Variants in CAST observed in about 807,000 individuals in gnomAD.
CAST encodes calpastatin.
In CAST, 76 loss-of-function variants were observed where a neutral mutation model predicts 119.6. That is an observed-to-expected ratio of 0.64 (90% CI 0.53 to 0.77). The LOEUF (loss-of-function observed/expected upper bound fraction) is 0.77, where lower values mean the gene tolerates loss of function less well. CAST is among the 30% of genes least tolerant of loss of function. The pLI is 0.00. For missense variants in CAST, 953 were observed against 946.5 expected (o/e 1.01, Z -0.09); for synonymous variants, 319 against 331.6 (o/e 0.96, Z 0.41).
At chr5:96,302,947 T>A in the CAST span, among the ~76,000 whole-genome samples, 1 of 152,234 alleles carries the variant, frequency 6.6e-6, no homozygotes. Flanking sequence ...TTCAGATCTC[T>A]TTATAGCAAT....
the CAST span, among the ~76,000 whole-genome samples, chr5:96,511,957 G>C: frequency 1.3e-5 from 2 of 152,184 alleles, no homozygotes; most frequent in Non-Finnish European, 2.9e-5. Flanking sequence ...CTTCTCAAAA[G>C]GAAATGGCAT....
the CAST span, among the ~76,000 whole-genome samples, chr5:96,264,320 A>G: frequency 6.6e-6 from 1 of 152,230 alleles, no homozygotes; most frequent in African/African-American, 2.4e-5. Context: ...AACACATTAA[A>G]TAAGTCTACT....
At chr5:96,722,567 G>T in intron 3 of CAST, 72 bp from the exon 4 acceptor site, 2 of 1,159,880 alleles carry the variant, frequency 1.7e-6, no homozygotes, top group South Asian at 2.5e-5. Flanking sequence ...GTATGGTTAA[G>T]AGGAGCTGAA....
chr5:96,094,831 A>G, the CAST span, among the ~76,000 whole-genome samples: 2 of 152,206 alleles, frequency 1.3e-5, no homozygotes, highest in African/African-American at 4.8e-5. Flanking sequence ...GGACTTGTGT[A>G]TTACAACAAG....
chr5:96,156,648 G>A, the CAST span, among the ~76,000 whole-genome samples: 1 of 152,182 alleles, frequency 6.6e-6, no homozygotes, highest in African/African-American at 2.4e-5. Flanking sequence ...AAGCATGTTG[G>A]CATTGAAGAA....
At chr5:96,097,114 C>T in the CAST span, among the ~76,000 whole-genome samples, 1 of 152,236 alleles carries the variant, frequency 6.6e-6, no homozygotes, top group African/African-American at 2.4e-5. Context: ...ATAATTGAGC[C>T]TTTCCAAAGA....
chr5:96,560,752 TG>T (rs1746342818), intron 1 of CAST, among the ~76,000 whole-genome samples: 1 of 152,134 alleles, frequency 6.6e-6, no homozygotes, highest in South Asian at 2.1e-4. Flanking sequence ...ACACTGTTGG[TG>T]GGACTGTAAA....
intron 9 of CAST, 55 bp from the exon 10 acceptor site, chr5:96,736,117 G>T: frequency 9.6e-7 from 1 of 1,039,634 alleles, no homozygotes; most frequent in South Asian, 1.3e-5. Context: ...ATTTGTAATA[G>T]TATTGAGTTT....
the CAST span, among the ~76,000 whole-genome samples, chr5:96,121,901 G>C: frequency 6.6e-6 from 1 of 151,014 alleles, no homozygotes; most frequent in East Asian, 1.9e-4. Flanking sequence ...AAATGATTGT[G>C]GTATTGTGAC....
At chr5:96,166,451 A>C in the CAST span, among the ~76,000 whole-genome samples, 2 of 152,158 alleles carry the variant, frequency 1.3e-5, no homozygotes, top group Non-Finnish European at 2.9e-5. Context: ...TCCCTGCAGC[A>C]GTGTGTGTGC....
At chr5:96,393,394 C>T in the CAST span, 1 of 1,613,158 alleles carries the variant, frequency 6.2e-7, no homozygotes, top group East Asian at 2.2e-5. Flanking sequence ...ACATAGAATG[C>T]CATCCACAAA....
intron 1 of CAST, among the ~76,000 whole-genome samples, chr5:96,555,986 T>C (rs1161619939): frequency 6.6e-6 from 1 of 152,180 alleles, no homozygotes; most frequent in Non-Finnish European, 1.5e-5. Context: ...ACACCTCACA[T>C]GGCTGGGTAC....
At chr5:96,740,894 A>G in intron 13 of CAST, 111 bp downstream of exon 13, 1 of 747,126 alleles carries the variant, frequency 1.3e-6, no homozygotes, top group South Asian at 1.6e-5. Flanking sequence ...TCATCTCCAA[A>G]TCAAATGGAG....
intron 1 of CAST, among the ~76,000 whole-genome samples, chr5:96,610,761 T>G (rs192763509): frequency 1.0e-3 from 157 of 152,312 alleles, no homozygotes; most frequent in Admixed American, 4.1e-3. Flanking sequence ...ATTCTACACC[T>G]AGAAAACCCT....
intron 1 of CAST, among the ~76,000 whole-genome samples, chr5:96,667,406 C>T (rs566873414): frequency 5.3e-5 from 8 of 152,296 alleles, no homozygotes; most frequent in African/African-American, 1.9e-4. Context: ...CAAGTTCATT[C>T]TCATGACAAC....
At chr5:96,187,980 T>C in the CAST span, among the ~76,000 whole-genome samples, 114 of 152,294 alleles carry the variant, frequency 7.5e-4, no homozygotes, top group Middle Eastern at 6.8e-3. Flanking sequence ...GCCTTTGTAG[T>C]TACCCAAGGG....
the CAST span, among the ~76,000 whole-genome samples, chr5:96,296,534 G>C: frequency 6.6e-6 from 1 of 152,050 alleles, no homozygotes; most frequent in African/African-American, 2.4e-5. Flanking sequence ...TTTGTGTCTG[G>C]AGAATAAATT....
rs535416921 is a variant in CAST at position 96,762,036 on chromosome 5, T to C, written c.1834-238T>C. 19 of 334,244 alleles carry C rather than the reference T, an allele frequency of 5.7e-5. No individual in the cohort carries two copies. The South Asian group carries it at 2.0e-3, about 35-fold the overall frequency. 20.7% of individuals were successfully genotyped at this position (334,244 alleles called of 1,614,324 possible). A position where few individuals can be genotyped will look rare whatever the true frequency, so the allele number is the denominator to read the frequency against. On this transcript the variant is annotated intron_variant, in intron 24 of 31. Transcript: ENST00000675179. Reference sequence around the variant, plus strand: ...AACCGTGGAACTCTAAGTTATATTATTGCATAGTATTTAGAATAATCAATA... The same window carrying C: ...AACCGTGGAACTCTAAGTTATATTACTGCATAGTATTTAGAATAATCAATA...
upstream of CAST, among the ~76,000 whole-genome samples, chr5:96,521,912 G>A (rs191995652): frequency 6.6e-4 from 100 of 152,232 alleles, no homozygotes; most frequent in African/African-American, 2.4e-3. Flanking sequence ...AGGTCAGATC[G>A]AGACCATCCT....
Sources: allele counts gnomAD v4.1 joint callset (sites outside exome capture counted in the v4.1 genomes callset), GRCh38; gene constraint gnomAD v4.1.1; transcripts MANE v1.5; gene names NCBI Gene and HGNC (gene_info 2026-07-23, HGNC 2026-07-21).